The following NGEF variants were observed in gnomAD, a reference collection of about 807,000 sequenced individuals.
The protein encoded by NGEF is ephexin-1.
NGEF carries 31 observed loss-of-function variants against 80.9 expected under a neutral mutation model. That is an observed-to-expected ratio of 0.38 (90% CI 0.29 to 0.52). The LOEUF is 0.52. Ranked by LOEUF, NGEF falls within the 20% of genes least tolerant of loss-of-function variation. The pLI is 0.84. For missense variants in NGEF, 709 were observed against 926.2 expected (o/e 0.77, Z 3.04); for synonymous variants, 371 against 370.2 (o/e 1.00, Z -0.03).
At chr2:232,946,296 G>A (rs961927905) in intron 3 of NGEF, among the ~76,000 whole-genome samples, 13 of 152,168 alleles carry the variant, frequency 8.5e-5, no homozygotes, top group Non-Finnish European at 1.3e-4. Context: ...AGGTTGGGAA[G>A]GGGGTGAGGG....
intron 3 of NGEF, among the ~76,000 whole-genome samples, chr2:232,937,038 C>T (rs1469081108): frequency 3.9e-5 from 6 of 152,160 alleles, no homozygotes; most frequent in Non-Finnish European, 4.4e-5. Flanking sequence ...GGCTCAGTCT[C>T]GGCTCACTGC....
intron 3 of NGEF, among the ~76,000 whole-genome samples, chr2:232,940,881 C>T (rs1693423239): frequency 6.6e-6 from 1 of 152,176 alleles, no homozygotes; most frequent in South Asian, 2.1e-4. Flanking sequence ...AAATTTTCCT[C>T]CTTTCGTAAC....
intron 3 of NGEF, among the ~76,000 whole-genome samples, chr2:232,961,372 C>T (rs1355058031): frequency 6.6e-6 from 1 of 152,176 alleles, no homozygotes; most frequent in Admixed American, 6.5e-5. Flanking sequence ...AAAACTTCTC[C>T]CAAGCACAGC....
intron 6 of NGEF, among the ~76,000 whole-genome samples, chr2:232,893,252 C>G (rs1305819883): frequency 6.6e-6 from 1 of 152,206 alleles, no homozygotes; most frequent in African/African-American, 2.4e-5. Context: ...TGTGTTTTCA[C>G]GGGGCTGATG....
At chr2:232,952,998 A>C (rs1348674931) in intron 3 of NGEF, among the ~76,000 whole-genome samples, 4 of 99,186 alleles carry the variant, frequency 4.0e-5, no homozygotes, top group South Asian at 3.4e-4. Context: ...AAAAAAAAAA[A>C]CAACAAAAAA....
chr2:233,005,123 C>T (rs894422944), intron 1 of NGEF, among the ~76,000 whole-genome samples: 21 of 152,178 alleles, frequency 1.4e-4, no homozygotes, highest in African/African-American at 2.2e-4. Context: ...ATGGATTCTG[C>T]GGGCAACCAT....
rs570489931 is a variant in NGEF, at chr2:232,900,065, CAT to C, written c.829-5151_829-5150del. Among the ~76,000 whole-genome samples, 25 of 148,546 alleles carry C rather than the reference CAT, an allele frequency of 1.7e-4. 1 individual carries two copies. The East Asian group carries it at 3.5e-3, about 21-fold the overall frequency. ...ACACACACACGCTCTCACAGTCACT[CAT>C]ATACACGTTCACTCACATTCACTTA... On this transcript the variant is annotated intron_variant, in intron 5 of 14. Transcript: ENST00000264051.
At chr2:232,985,510 T>C (rs1040816905) in intron 1 of NGEF, among the ~76,000 whole-genome samples, 1 of 152,234 alleles carries the variant, frequency 6.6e-6, no homozygotes, top group South Asian at 2.1e-4. Context: ...TCCAGCACTT[T>C]GGGAGGCTGA....
Position 232,892,970 on chromosome 2 carries a change from GC to G in NGEF, c.1069del (p.Ala357ProfsTer34). 1 of 1,613,584 alleles carries G rather than the reference GC, an allele frequency of 6.2e-7. No homozygotes were observed. Among genetic ancestry groups the G allele is most frequent in the Non-Finnish European group, 8.5e-7 (1 of 1,179,944 alleles). ...DVCDIVYRYA[A>X]DHFSVYITYV... ...GGTGATGTAGACAGAGAAGTGGTCG[GC>G]CGCATAACGGTACACAATGTCACAC... On this transcript the variant is annotated frameshift_variant, in exon 7 of 15. Coordinates refer to ENST00000264051, the MANE Select transcript of NGEF (RefSeq NM_019850.3). LOFTEE classifies it high-confidence loss of function. The surrounding 1 kb of genome is among the most constrained non-coding windows in gnomAD (Gnocchi z 4.0).
At chr2:232,924,385 G>A (rs895435) in intron 4 of NGEF, among the ~76,000 whole-genome samples, 66,037 of 151,998 alleles carry the variant, frequency 0.43, 14,460 homozygotes, top group Admixed American at 0.46. Flanking sequence ...TGTTGGCACC[G>A]TGATCTTGGA....
intron 3 of NGEF, among the ~76,000 whole-genome samples, chr2:232,967,376 C>T (rs1348897496): frequency 6.6e-6 from 1 of 152,070 alleles, no homozygotes; most frequent in Non-Finnish European, 1.5e-5. Flanking sequence ...ACTCTGTCGC[C>T]CAGGCTGGTG....
intron 3 of NGEF, among the ~76,000 whole-genome samples, chr2:232,950,359 T>A (rs2106305056): frequency 6.6e-6 from 1 of 152,328 alleles, no homozygotes; most frequent in African/African-American, 2.4e-5. Context: ...CAAGGGCCGC[T>A]TTGTGGAAAA....
chr2:232,899,712 T>A lies in NGEF; in HGVS notation c.829-4796A>T, dbSNP rs199901260. ...TACACACATTCACTCACACACGCTCTCAGTCACTCATATACACGTTCACTC... is the reference window on the plus strand; with the variant it reads ...TACACACATTCACTCACACACGCTCACAGTCACTCATATACACGTTCACTC... On this transcript the variant is annotated intron_variant, in intron 5 of 14. Transcript: ENST00000264051. Among the ~76,000 whole-genome samples the A allele has an allele frequency of 2.3e-4, 28 of 122,448 alleles. 3 individuals carry two copies. Among genetic ancestry groups the A allele is most frequent in the Admixed American group, 4.8e-4 (6 of 12,558 alleles). 80.3% of individuals were successfully genotyped at this position (122,448 alleles called of 152,430 possible).
At chr2:232,903,224 C>G (rs1356296358) in intron 5 of NGEF, among the ~76,000 whole-genome samples, 1 of 151,734 alleles carries the variant, frequency 6.6e-6, no homozygotes, top group Non-Finnish European at 1.5e-5. Context: ...GATGTTCAAT[C>G]TTCCATGAGT....
At chr2:232,959,223 G>A (rs1693895091) in intron 3 of NGEF, among the ~76,000 whole-genome samples, 2 of 152,050 alleles carry the variant, frequency 1.3e-5, no homozygotes, top group African/African-American at 4.8e-5. Context: ...TATCCTGTTT[G>A]GATTTTATGA....
intron 3 of NGEF, among the ~76,000 whole-genome samples, chr2:232,957,026 T>C (rs1693846778): frequency 6.6e-6 from 1 of 152,056 alleles, no homozygotes; most frequent in Admixed American, 6.6e-5. Context: ...TGAATTTTAA[T>C]AGTGGTAATT....
At chr2:232,993,076 T>C in intron 1 of NGEF, among the ~76,000 whole-genome samples, 1 of 89,020 alleles carries the variant, frequency 1.1e-5, no homozygotes, top group East Asian at 4.6e-4. Flanking sequence ...TGTGTGTATC[T>C]ATACGGGCAA....
At chr2:232,895,046 G>A in intron 5 of NGEF, 130 bp from the exon 6 acceptor site, 1 of 989,672 alleles carries the variant, frequency 1.0e-6, no homozygotes, top group South Asian at 1.8e-5. Flanking sequence ...TGCTCCTGGG[G>A]CCTGGGATGG....
chr2:232,902,821 C>A (rs1031235920), intron 5 of NGEF, among the ~76,000 whole-genome samples: 1 of 152,066 alleles, frequency 6.6e-6, no homozygotes, highest in Admixed American at 6.6e-5. Flanking sequence ...GGTGAAACCC[C>A]GTCTCTACTA....
Sources: gnomAD v4.1 joint callset for allele counts (sites outside exome capture counted in the v4.1 genomes callset) on GRCh38, gnomAD v4.1.1 for gene constraint, Gnocchi (gnomAD v3.1) non-coding constraint, MANE v1.5 for transcripts, NCBI Gene and HGNC (gene_info 2026-07-23, HGNC 2026-07-21) for gene names.